The following GRIP1 variants were observed in gnomAD, a reference collection of about 807,000 sequenced individuals.
GRIP1 encodes glutamate receptor-interacting protein 1.
Under a neutral mutation model 129.9 loss-of-function variants are expected in GRIP1, and 45 were observed. The ratio of observed to expected loss-of-function variants is 0.35; its 90% confidence interval spans 0.27 to 0.44. GRIP1 has a LOEUF of 0.44. GRIP1 is among the 20% of genes least tolerant of loss of function. The probability of loss-of-function intolerance (pLI) is 1.00; values close to 1 mark genes in which losing one functional copy is unlikely to be tolerated. For synonymous variants in GRIP1, 530 were observed against 520.8 expected, an observed-to-expected ratio of 1.02 and a Z score of -0.24; for missense variants, 1,196 against 1,396.8, an observed-to-expected ratio of 0.86 and a Z score of 2.29.
At chr12:66,950,661 T>TTGTG (rs758156460) in intron 1 of GRIP1, among the ~76,000 whole-genome samples, 2 of 151,996 alleles carry the variant, frequency 1.3e-5, no homozygotes, top group East Asian at 1.9e-4. Flanking sequence ...TTCCTAAAGT[T>TTGTG]TGTGTGTGTG....
At chr12:66,416,233 T>A (rs900796945) in intron 15 of GRIP1, among the ~76,000 whole-genome samples, 1 of 151,860 alleles carries the variant, frequency 6.6e-6, no homozygotes, top group African/African-American at 2.4e-5. Context: ...CACAACACAC[T>A]AAAGCCAATG....
intron 1 of GRIP1, among the ~76,000 whole-genome samples, chr12:67,049,922 G>A (rs1428706194): frequency 1.4e-5 from 2 of 144,242 alleles, no homozygotes; most frequent in Non-Finnish European, 3.0e-5. Context: ...AAAAAAAGTT[G>A]TTTTGTTTTA....
chr12:66,370,705 C>T (rs1418597245), intron 23 of GRIP1, among the ~76,000 whole-genome samples: 1 of 152,176 alleles, frequency 6.6e-6, no homozygotes, highest in Non-Finnish European at 1.5e-5. Context: ...AAAGCACTCA[C>T]CCTAGAAAAG....
At chr12:66,795,963 C>A (rs935486021) in intron 1 of GRIP1, among the ~76,000 whole-genome samples, 1 of 152,130 alleles carries the variant, frequency 6.6e-6, no homozygotes, top group Admixed American at 6.6e-5. Flanking sequence ...GGTAAGTGTA[C>A]TTTTAGCTTA....
At chr12:66,977,807 ATTTTTTTTTTTTTTT>A (rs200381983) in intron 1 of GRIP1, among the ~76,000 whole-genome samples, 9 of 60,274 alleles carry the variant, frequency 1.5e-4, no homozygotes, top group Admixed American at 9.2e-4. Context: ...AGAGCTGAGC[ATTTTTTTTTTTTTTT>A]TTTTTTTTTT....
chr12:66,863,228 T>C (rs996127475), intron 1 of GRIP1, among the ~76,000 whole-genome samples: 1 of 152,142 alleles, frequency 6.6e-6, no homozygotes, highest in African/African-American at 2.4e-5. Context: ...CATTTATTCA[T>C]TCATGCAGGC....
chr12:66,692,915 C>G (rs975187824), intron 1 of GRIP1, among the ~76,000 whole-genome samples: 1 of 152,130 alleles, frequency 6.6e-6, no homozygotes, highest in Non-Finnish European at 1.5e-5. Flanking sequence ...ATGACTTGTG[C>G]TGAGGAGTCC....
chr12:66,430,542 T>C (rs933167348), intron 14 of GRIP1, among the ~76,000 whole-genome samples: 1 of 152,204 alleles, frequency 6.6e-6, no homozygotes, highest in Non-Finnish European at 1.5e-5. Context: ...TCATAAAGCA[T>C]AATATTAAAT....
Position 66,455,498 on chromosome 12 carries a change from A to G in GRIP1, c.1265T>C (p.Met422Thr), listed in dbSNP as rs942625443. 1.3e-5 allele frequency: 21 copies of G among 1,612,150 alleles called. No individual in the cohort carries two copies. In the Admixed American group the frequency reaches 3.0e-4, roughly 23 times the overall value. The change falls in exon 11 of 25, where the codon ATG becomes ACG. Residue 422 changes from methionine to threonine, a missense_variant. Physicochemically the swap from Met to Thr is moderately conservative, Grantham distance 81. Coordinates refer to ENST00000359742, the MANE Select transcript of GRIP1 (RefSeq NM_001366722.1). ...GTAGAGGCTTCGAGGTAGAGTCCCC[A>G]TGTTCAGGGAACTCAGGCTGTATGC... ...MSAYSLSSLN[M>T]GTLPRSLYST... is the part of the protein sequence containing the mutation.
At chr12:66,426,009 CT>C (rs992730265) in intron 14 of GRIP1, among the ~76,000 whole-genome samples, 1 of 152,012 alleles carries the variant, frequency 6.6e-6, no homozygotes, top group African/African-American at 2.4e-5. Flanking sequence ...TGATGCTATT[CT>C]GATTATTTGA....
At chr12:66,962,122 C>G (rs1175229114) in intron 1 of GRIP1, among the ~76,000 whole-genome samples, 1 of 152,080 alleles carries the variant, frequency 6.6e-6, no homozygotes, top group East Asian at 1.9e-4. Context: ...ATATTAAAAT[C>G]TTTCTATTTT....
At chr12:66,856,983 A>G (rs1258340535) in intron 1 of GRIP1, among the ~76,000 whole-genome samples, 1 of 152,156 alleles carries the variant, frequency 6.6e-6, no homozygotes, top group Non-Finnish European at 1.5e-5. Context: ...CAAATGTCCA[A>G]CAATGATAGA....
chr12:66,760,847 C>G (rs1424375302), intron 1 of GRIP1, among the ~76,000 whole-genome samples: 1 of 144,144 alleles, frequency 6.9e-6, no homozygotes, highest in Non-Finnish European at 1.5e-5. Flanking sequence ...TAGTTAGTAT[C>G]TTTTTTTTTT....
intron 1 of GRIP1, among the ~76,000 whole-genome samples, chr12:66,913,704 GAA>G (rs2041070492): frequency 6.6e-6 from 1 of 152,112 alleles, no homozygotes; most frequent in South Asian, 2.1e-4. Flanking sequence ...GGTGGAAATA[GAA>G]ATTCAATGTC....
intron 13 of GRIP1, among the ~76,000 whole-genome samples, chr12:66,439,756 T>A (rs1354010698): frequency 6.6e-6 from 1 of 152,204 alleles, no homozygotes; most frequent in Non-Finnish European, 1.5e-5. Flanking sequence ...GTTACTATCA[T>A]AATTTTTCAT....
At chr12:66,613,934 G>T (rs903502146) in intron 1 of GRIP1, among the ~76,000 whole-genome samples, 1 of 152,166 alleles carries the variant, frequency 6.6e-6, no homozygotes, top group African/African-American at 2.4e-5. Flanking sequence ...AGACACATCA[G>T]CATTAATGCT....
intron 1 of GRIP1, among the ~76,000 whole-genome samples, chr12:66,948,742 G>A (rs73333061): frequency 0.14 from 21,024 of 152,124 alleles, 2,138 homozygotes; most frequent in African/African-American, 0.29. Context: ...TAGGTAAATG[G>A]AAGAAGAGAA....
chr12:66,689,697 C>G (rs2034909609), intron 1 of GRIP1, among the ~76,000 whole-genome samples: 1 of 151,968 alleles, frequency 6.6e-6, no homozygotes, highest in Non-Finnish European at 1.5e-5. Flanking sequence ...AAGATCTACT[C>G]TCTTACCAAA....
At chr12:66,604,241 G>A (rs1468347991) in intron 1 of GRIP1, among the ~76,000 whole-genome samples, 1 of 152,202 alleles carries the variant, frequency 6.6e-6, no homozygotes, top group Non-Finnish European at 1.5e-5. Context: ...AGTGATGCCT[G>A]CAGGCCTTTT....
Sources: allele counts gnomAD v4.1 joint callset (sites outside exome capture counted in the v4.1 genomes callset), GRCh38; gene constraint gnomAD v4.1.1; transcripts MANE v1.5; gene names NCBI Gene and HGNC (gene_info 2026-07-23, HGNC 2026-07-21).